Variants in ZDHHC2 observed in about 807,000 individuals in gnomAD.
ZDHHC2 encodes zDHHC palmitoyltransferase 2, also known as palmitoyltransferase ZDHHC2.
In ZDHHC2, 51 loss-of-function variants were observed where a neutral mutation model predicts 55.6. The observed-to-expected ratio is 0.92, with a 90% CI of 0.73 to 1.16. The LOEUF (loss-of-function observed/expected upper bound fraction) is 1.16. Ranked by LOEUF, ZDHHC2 falls within the 50% of genes most tolerant of loss-of-function variation. The probability of loss-of-function intolerance (pLI) is 0.00; values close to 1 mark genes in which losing one functional copy is unlikely to be tolerated. For missense variants in ZDHHC2, 491 were observed against 442.4 expected (o/e 1.11, Z -0.99); for synonymous variants, 199 against 152.9 (o/e 1.30, Z -2.22).
At chr8:17,215,370 C>A in intron 11 of ZDHHC2, 21 bp downstream of exon 11, 1 of 1,541,972 alleles carries the variant, frequency 6.5e-7, no homozygotes, top group Non-Finnish European at 8.8e-7. Context: ...GCTTGTTTGG[C>A]TGTTTTTTGA....
intron 3 of ZDHHC2, among the ~76,000 whole-genome samples, chr8:17,188,953 A>G (rs1805873643): frequency 6.6e-6 from 1 of 152,018 alleles, no homozygotes; most frequent in Non-Finnish European, 1.5e-5. Context: ...CATCTAGTCA[A>G]TCAGAAAATT....
rs1222724553 is a variant in ZDHHC2 at position 17,220,611 on chromosome 8, AGATATTAG to A, written c.*394_*401del. The A allele has an allele frequency of 1.3e-5, 2 of 152,218 alleles. No individual in the cohort carries two copies. Among genetic ancestry groups the A allele is most frequent in the East Asian group, 1.9e-4 (1 of 5,202 alleles). 9.4% of individuals were successfully genotyped at this position (152,218 alleles called of 1,614,324 possible). On this transcript the variant is annotated 3_prime_UTR_variant, in exon 13 of 13. Transcript: ENST00000262096. ...CCGAATCTGAAAATTGAGACTATTA[AGATATTAG>A]GATTTCAGAGATTTCAAGTCACATT...
At chr8:17,193,570 G>A (rs1055157791) in intron 3 of ZDHHC2, among the ~76,000 whole-genome samples, 6 of 152,228 alleles carry the variant, frequency 3.9e-5, no homozygotes, top group African/African-American at 1.4e-4. Flanking sequence ...AAGGCTGAAG[G>A]GCTCTGCAGT....
At chr8:17,214,486 A>G (rs549271602) in intron 10 of ZDHHC2, among the ~76,000 whole-genome samples, 16 of 152,332 alleles carry the variant, frequency 1.1e-4, no homozygotes, top group African/African-American at 3.6e-4. Flanking sequence ...ATTTTCTTCC[A>G]TATCCACATA....
chr8:17,197,189 G>A (rs1426557835), intron 4 of ZDHHC2, among the ~76,000 whole-genome samples: 1 of 152,144 alleles, frequency 6.6e-6, no homozygotes, highest in African/African-American at 2.4e-5. Context: ...AAAACCTGGT[G>A]TCCTTATTCC....
chr8:17,201,491 T>G (rs796239700), intron 6 of ZDHHC2, among the ~76,000 whole-genome samples: 5,923 of 118,066 alleles, frequency 0.05, 300 homozygotes, highest in African/African-American at 0.12. Context: ...CTTTTTTTTT[T>G]TTTTTTTTTT....
In ZDHHC2 at chr8:17,221,018, C is replaced by G. The variant is rs2063484612; in HGVS notation, c.*797C>G. 6.6e-6 allele frequency: 1 copy of G among 152,176 alleles called. No homozygotes were observed. Among genetic ancestry groups the G allele is most frequent in the African/African-American group, 2.4e-5 (1 of 41,422 alleles). 9.4% of individuals were successfully genotyped at this position (152,176 alleles called of 1,614,324 possible). On this transcript the variant is annotated 3_prime_UTR_variant, in exon 13 of 13. Transcript: ENST00000262096. Reference sequence around the variant, plus strand: ...ATTATGAAGATTGTTTTATGACATTCTTTTGTCAGTTTGGCTTTCTAAAAA... The same window carrying G: ...ATTATGAAGATTGTTTTATGACATTGTTTTGTCAGTTTGGCTTTCTAAAAA...
chr8:17,210,095 T>A, intron 9 of ZDHHC2, 37 bp downstream of exon 9: 1 of 1,561,848 alleles, frequency 6.4e-7, no homozygotes, highest in Non-Finnish European at 8.7e-7. Context: ...TTTAAACTAA[T>A]GAAAATAATA....
At chr8:17,159,372 G>C (rs1020203542) in intron 1 of ZDHHC2, among the ~76,000 whole-genome samples, 1 of 152,132 alleles carries the variant, frequency 6.6e-6, no homozygotes, top group Non-Finnish European at 1.5e-5. Flanking sequence ...AACTGGATCA[G>C]GTAGCAAATG....
intron 1 of ZDHHC2, among the ~76,000 whole-genome samples, chr8:17,166,436 G>T (rs759363069): frequency 6.6e-6 from 1 of 152,180 alleles, no homozygotes; most frequent in Non-Finnish European, 1.5e-5. Context: ...ATTAGATCTG[G>T]AATGGGTGTG....
intron 6 of ZDHHC2, among the ~76,000 whole-genome samples, chr8:17,200,451 A>G (rs573763946): frequency 6.6e-6 from 1 of 152,328 alleles, no homozygotes; most frequent in South Asian, 2.1e-4. Context: ...GGATAACTGT[A>G]TACTCCAGAT....
At position 17,222,452 on chromosome 8, in the gene ZDHHC2, A is replaced by G. The variant is rs1807964088; in HGVS notation, c.*2231A>G. The G allele has an allele frequency of 6.6e-6, 1 of 151,876 alleles. No homozygotes were observed. The highest frequency in any genetic ancestry group is 1.5e-5 in the Non-Finnish European group (1 of 67,800). The allele number at this position is 151,876 out of a possible 1,614,324, so 9.4% of individuals were successfully genotyped here. A position where few individuals can be genotyped will look rare whatever the true frequency, so the allele number is the denominator to read the frequency against. The stretch of plus-strand genomic sequence containing the variant: ...ATTTAATGGCTTAACTCGAACTTGA[A>G]GACACATACTTCAACTGTCCTTATT... On this transcript the variant is annotated 3_prime_UTR_variant, in exon 13 of 13. Coordinates refer to ENST00000262096, the MANE Select transcript of ZDHHC2 (RefSeq NM_016353.5).
At chr8:17,209,890 T>A (rs1225678359) in intron 8 of ZDHHC2, 42 bp from the exon 9 acceptor site, 1 of 1,556,382 alleles carries the variant, frequency 6.4e-7, no homozygotes, top group South Asian at 1.2e-5. Flanking sequence ...TGCTAGTAAA[T>A]ATGTTCTTTA....
In ZDHHC2 at chr8:17,186,335, G is replaced by C; in HGVS notation, c.162G>C (p.Val54=). The C allele has an allele frequency of 6.3e-7, 1 of 1,590,562 alleles. No individual in the cohort carries two copies. Among genetic ancestry groups the C allele is most frequent in the South Asian group, 1.2e-5 (1 of 86,944 alleles). The change falls in exon 3 of 13, where the codon GTG becomes GTC. Residue 54 remains valine, a synonymous_variant. Coordinates refer to ENST00000262096, the MANE Select transcript of ZDHHC2 (RefSeq NM_016353.5). The stretch of plus-strand genomic sequence containing the variant: ...ATTATGTTTTTCTCATTTTAGTTGT[G>C]TGCCTGATGGCCTATCATCTACTTT... The part of the protein sequence containing the change: ...VSMENTGEQV[V]CLMAYHLLFA...
At chr8:17,196,361 G>A (rs956986847) in intron 4 of ZDHHC2, among the ~76,000 whole-genome samples, 1 of 151,992 alleles carries the variant, frequency 6.6e-6, no homozygotes, top group African/African-American at 2.4e-5. Context: ...ATACACACTG[G>A]TTTCAAAGAC....
intron 3 of ZDHHC2, among the ~76,000 whole-genome samples, chr8:17,187,575 C>T (rs1490376348): frequency 6.6e-6 from 1 of 152,086 alleles, no homozygotes; most frequent in Non-Finnish European, 1.5e-5. Context: ...GAATGCCTAT[C>T]TATTGCCTGT....
At chr8:17,178,587 A>G (rs1188806154) in intron 1 of ZDHHC2, among the ~76,000 whole-genome samples, 3 of 152,242 alleles carry the variant, frequency 2.0e-5, no homozygotes, top group African/African-American at 7.2e-5. Flanking sequence ...GAATGGATGC[A>G]TACATGTTTC....
intron 6 of ZDHHC2, among the ~76,000 whole-genome samples, chr8:17,203,225 A>C: frequency 6.6e-6 from 1 of 151,310 alleles, no homozygotes; most frequent in East Asian, 1.9e-4. Flanking sequence ...ATGCCAAGAT[A>C]ATTTTTGTAT....
Position 17,204,641 on chromosome 8 carries a change from C to T in ZDHHC2, c.477-1014C>T, listed in dbSNP as rs577755267. On this transcript the variant is annotated intron_variant, in intron 6 of 12. Coordinates refer to ENST00000262096, the MANE Select transcript of ZDHHC2 (RefSeq NM_016353.5). ...CATGGACACAGAGGAGGGAACAACA[C>T]ACACTGGGGCCTTTTGGAGGGAGGA... 4.1e-4 allele frequency among the ~76,000 whole-genome samples: 63 copies of T among 152,184 alleles called. No individual in the cohort carries two copies. In the East Asian group the frequency reaches 7.6e-3, roughly 18 times the overall value.
Sources: gnomAD v4.1 joint callset for allele counts (sites outside exome capture counted in the v4.1 genomes callset) on GRCh38, gnomAD v4.1.1 for gene constraint, MANE v1.5 for transcripts, NCBI Gene and HGNC (gene_info 2026-07-23, HGNC 2026-07-21) for gene names.